WDR33: variants seen among roughly 807,000 people sequenced by gnomAD.
WDR33 encodes pre-mRNA 3' end processing protein WDR33.
A neutral mutation model predicts 164.9 loss-of-function variants in WDR33; 47 were observed. The observed-to-expected ratio is 0.29, with a 90% confidence interval of 0.23 to 0.36. The LOEUF (loss-of-function observed/expected upper bound fraction) is 0.36, where lower values mean the gene tolerates loss of function less well. Among genes scored for constraint, WDR33 ranks in the 10% least tolerant of loss-of-function variants. WDR33 has a pLI of 1.00. For missense variants in WDR33, 1,137 were observed against 1,754.1 expected (o/e 0.65, Z 6.28); for synonymous variants, 505 against 589.0 (o/e 0.86, Z 2.06).
chr2:127,776,436 A>T (rs924072740), intron 1 of WDR33, among the ~76,000 whole-genome samples: 1 of 152,214 alleles, frequency 6.6e-6, no homozygotes, highest in African/African-American at 2.4e-5. Context: ...ACAGAGGTTG[A>T]CAGAAACATT....
rs1686103408 is a variant in WDR33, at chr2:127,709,580, C to T, written c.3475G>A (p.Gly1159Arg). Residue 1159 changes from glycine to arginine, a missense_variant and splice_region_variant, in exon 20 of 22, where the codon GGA (glycine) becomes AGA (arginine). Gly to Arg is a moderately radical substitution (Grantham distance 125, BLOSUM62 -2). Around this residue, in one of 9 missense-constraint regions of WDR33, gnomAD observed 867 missense variants for 1,073.0 expected, o/e 0.81. Coordinates refer to ENST00000322313, the MANE Select transcript of WDR33 (RefSeq NM_018383.5). The surrounding 1 kb of genome is among the most constrained non-coding windows in gnomAD (Gnocchi z 5.0). ...RGRGRGTPRG[G>R]RKGLLPTPDE... ...GGAGTGGGAAGTAAACCCTTCCTTC[C>T]TCCTACACAACAGAGCAAACAATGC... 1 of 1,613,488 alleles carries T rather than the reference C, an allele frequency of 6.2e-7. No homozygotes were observed. The highest frequency in any genetic ancestry group is 8.5e-7 in the Non-Finnish European group (1 of 1,179,534).
chr2:127,750,956 T>G (rs1201849036), intron 7 of WDR33, among the ~76,000 whole-genome samples: 3 of 151,762 alleles, frequency 2.0e-5, no homozygotes, highest in Non-Finnish European at 4.4e-5. Context: ...TAGTGAATAC[T>G]CTTGATAAAT....
At chr2:127,747,924 G>A (rs1353648334) in intron 7 of WDR33, among the ~76,000 whole-genome samples, 1 of 152,128 alleles carries the variant, frequency 6.6e-6, no homozygotes, top group East Asian at 1.9e-4. Flanking sequence ...AACATTCCAC[G>A]CTCCTGTTGG....
At position 127,718,226 on chromosome 2, in the gene WDR33, A is replaced by G. The variant is rs1686343084; in HGVS notation, c.2761-963T>C. Among the ~76,000 whole-genome samples, 1 of 152,106 alleles carries G rather than the reference A, an allele frequency of 6.6e-6. No individual in the cohort carries two copies. Among genetic ancestry groups the G allele is most frequent in the South Asian group, 2.1e-4 (1 of 4,824 alleles). ...CAGGAAACCCAATGGTCATCTTTAC[A>G]TTAGGGATTCGTGGTGGTATTTGAA... On this transcript the variant is annotated intron_variant, in intron 16 of 21. Transcript: ENST00000322313. The surrounding 1 kb of genome is among the most constrained non-coding windows in gnomAD (Gnocchi z 4.4).
intron 7 of WDR33, among the ~76,000 whole-genome samples, chr2:127,731,841 T>A (rs554892679): frequency 6.6e-6 from 1 of 152,262 alleles, no homozygotes; most frequent in South Asian, 2.1e-4. Context: ...ATGCCAGTAC[T>A]TTGGGAGGCT....
intron 7 of WDR33, chr2:127,736,401 A>G: frequency 1.0e-6 from 1 of 985,440 alleles, no homozygotes; most frequent in Non-Finnish European, 1.2e-6. Flanking sequence ...TTTGATCAGA[A>G]CTGAGTGGTA....
intron 7 of WDR33, chr2:127,737,860 T>C: frequency 1.4e-6 from 2 of 1,400,914 alleles, no homozygotes; most frequent in South Asian, 1.7e-5. Flanking sequence ...CAACAAATAA[T>C]CCGTGTCAAA....
intron 1 of WDR33, among the ~76,000 whole-genome samples, chr2:127,801,231 TATG>T (rs1259188746): frequency 3.3e-5 from 5 of 152,108 alleles, no homozygotes; most frequent in Non-Finnish European, 7.4e-5. Context: ...CACAGTGAGC[TATG>T]ATTATACCAC....
At chr2:127,781,419 G>C (rs550114117) in intron 1 of WDR33, among the ~76,000 whole-genome samples, 3 of 152,088 alleles carry the variant, frequency 2.0e-5, no homozygotes, top group Admixed American at 6.5e-5. Flanking sequence ...TAAACATATA[G>C]TAAGATTGCA....
intron 7 of WDR33, among the ~76,000 whole-genome samples, chr2:127,731,294 C>CAAAAAA (rs35161101): frequency 5.7e-5 from 4 of 70,304 alleles, no homozygotes; most frequent in Admixed American, 1.8e-4. Context: ...GACCCTGCCT[C>CAAAAAA]AAAAAAAAAA....
chr2:127,762,068 A>G (rs186156738), intron 7 of WDR33, among the ~76,000 whole-genome samples: 33 of 152,318 alleles, frequency 2.2e-4, no homozygotes. Flanking sequence ...CAACCAAGAC[A>G]ACGATCTCTG....
Position 127,701,982 on chromosome 2 carries a change from G to GCGCTGGGCGCCA in WDR33, c.*4329_*4340dup, listed in dbSNP as rs1685902337. 7.4e-7 allele frequency: 1 copy of GCGCTGGGCGCCA among 1,358,538 alleles called. No homozygotes were observed. The highest frequency in any genetic ancestry group is 1.5e-5 in the African/African-American group (1 of 64,796). The allele number at this position is 1,358,538 out of a possible 1,614,324, so 84.2% of individuals were successfully genotyped here. On this transcript the variant is annotated 3_prime_UTR_variant, in exon 22 of 22. Transcript: ENST00000322313. The stretch of plus-strand genomic sequence containing the variant: ...CCGGCCCGCGCTGCTCTACATGGCA[G>GCGCTGGGCGCCA]CGCTGGGCGCCACGCTGTTCGCCGC...
intron 1 of WDR33, among the ~76,000 whole-genome samples, chr2:127,806,149 T>C (rs1689431991): frequency 6.6e-6 from 1 of 151,298 alleles, no homozygotes; most frequent in South Asian, 2.1e-4. Flanking sequence ...ATAAAAAATA[T>C]TAATAAAATA....
At position 127,718,902 on chromosome 2, in the gene WDR33, C is replaced by A. The variant is rs1686357687; in HGVS notation, c.2760+363G>T. ...AGGGCCCAGAAAGGAGGCATGACAG[C>A]CTCAGAGCCGACCACCATGTAAAAC... On this transcript the variant is annotated intron_variant, in intron 16 of 21. Transcript: ENST00000322313. This position sits in a 1 kb window ranked among gnomAD's most constrained non-coding sequence, Gnocchi z 4.4. Among the ~76,000 whole-genome samples, 1 of 152,176 alleles carries A rather than the reference C, an allele frequency of 6.6e-6. No homozygotes were observed.
At chr2:127,800,670 A>T (rs2104678120) in intron 1 of WDR33, among the ~76,000 whole-genome samples, 1 of 151,638 alleles carries the variant, frequency 6.6e-6, no homozygotes, top group South Asian at 2.1e-4. Context: ...AAGCAAAAAA[A>T]TTCAAATGTT....
chr2:127,713,771 C>A lies in WDR33; in HGVS notation c.3120G>T (p.Pro1040=), dbSNP rs373708086. 1 of 1,614,260 alleles carries A rather than the reference C, an allele frequency of 6.2e-7. No individual in the cohort carries two copies. The highest frequency in any genetic ancestry group is 1.1e-5 in the South Asian group (1 of 91,090). The part of the protein sequence containing the change: ...REFEGRGGPL[P]QEEKWRRGGP... ...CCCCTCGCCTCCACTTCTCTTCTTGCGGTAAAGGTCCTCCTCGCCCCTCAA... is the reference window on the plus strand; with the variant it reads ...CCCCTCGCCTCCACTTCTCTTCTTGAGGTAAAGGTCCTCCTCGCCCCTCAA... The change falls in exon 18 of 22, where the codon CCG becomes CCT. Residue 1040 remains proline, a synonymous_variant. Coordinates refer to ENST00000322313, the MANE Select transcript of WDR33 (RefSeq NM_018383.5). This position sits in a 1 kb window ranked among gnomAD's most constrained non-coding sequence, Gnocchi z 6.2.
At chr2:127,778,446 AAAAAAAAG>A (rs1265824035) in intron 1 of WDR33, among the ~76,000 whole-genome samples, 43 of 151,504 alleles carry the variant, frequency 2.8e-4, no homozygotes, top group Admixed American at 1.8e-3. Flanking sequence ...CAAGAAAAAA[AAAAAAAAG>A]AAAAAAGAAA....
rs993613225 is a variant in WDR33, at chr2:127,702,035, G to T, written c.*4288C>A. Reference sequence around the variant, plus strand: ...TGGGCCTTCGCAGCACGCTGCTCACGGTGCTGGGCGCGGGCGCGCAGGTGG... The same window carrying T: ...TGGGCCTTCGCAGCACGCTGCTCACTGTGCTGGGCGCGGGCGCGCAGGTGG... On this transcript the variant is annotated 3_prime_UTR_variant, in exon 22 of 22. Coordinates refer to ENST00000322313, the MANE Select transcript of WDR33 (RefSeq NM_018383.5). 7 of 1,239,976 alleles carry T rather than the reference G, an allele frequency of 5.6e-6. No homozygotes were observed. Among genetic ancestry groups the T allele is most frequent in the Non-Finnish European group, 7.0e-6 (7 of 993,666 alleles). 76.8% of individuals were successfully genotyped at this position (1,239,976 alleles called of 1,614,324 possible).
At position 127,706,804 on chromosome 2, in the gene WDR33, G is replaced by A. The variant is rs1456596574; in HGVS notation, c.3782-252C>T. 6.6e-6 allele frequency among the ~76,000 whole-genome samples: 1 copy of A among 152,210 alleles called. No individual in the cohort carries two copies. The highest frequency in any genetic ancestry group is 1.5e-5 in the Non-Finnish European group (1 of 68,048). Reference sequence around the variant, plus strand: ...CCCCAGGGCTGTGTGACAGACGACAGGAAGCCAAGAGATGAGCAAGGAGCA... The same window carrying A: ...CCCCAGGGCTGTGTGACAGACGACAAGAAGCCAAGAGATGAGCAAGGAGCA... On this transcript the variant is annotated intron_variant, in intron 21 of 21. Transcript: ENST00000322313. The surrounding 1 kb of genome is among the most constrained non-coding windows in gnomAD (Gnocchi z 5.1).
Sources: gnomAD v4.1 joint callset for allele counts (sites outside exome capture counted in the v4.1 genomes callset) on GRCh38, gnomAD v4.1.1 for gene constraint, gnomAD v4.1.1 regional missense constraint, Gnocchi (gnomAD v3.1) non-coding constraint, MANE v1.5 for transcripts, NCBI Gene and HGNC (gene_info 2026-07-23, HGNC 2026-07-21) for gene names.